The following DPY19L1 variants were observed in gnomAD, a reference collection of about 807,000 sequenced individuals.
DPY19L1 encodes protein C-mannosyl-transferase DPY19L1.
In DPY19L1, 35 loss-of-function variants were observed where a neutral mutation model predicts 96.9. The observed-to-expected ratio is 0.36, with a 90% CI of 0.28 to 0.48. The LOEUF (loss-of-function observed/expected upper bound fraction) is 0.48, where lower values mean the gene tolerates loss of function less well. DPY19L1 is among the 20% of genes least tolerant of loss of function. DPY19L1 has a pLI of 0.99. For synonymous variants in DPY19L1, 205 were observed against 252.6 expected (o/e 0.81, Z 1.79); for missense variants, 521 against 777.9 (o/e 0.67, Z 3.93).
intron 6 of DPY19L1, among the ~76,000 whole-genome samples, chr7:34,993,126 CAG>C (rs1159791364): frequency 1.3e-5 from 2 of 152,180 alleles, no homozygotes; most frequent in African/African-American, 4.8e-5. Flanking sequence ...CGTATTCTAT[CAG>C]AAAGAATTTT....
At chr7:34,976,463 C>T (rs1784832757) in intron 7 of DPY19L1, among the ~76,000 whole-genome samples, 1 of 152,182 alleles carries the variant, frequency 6.6e-6, no homozygotes, top group Admixed American at 6.6e-5. Context: ...GGTGAAGATA[C>T]TGTAAACATT....
chr7:34,979,060 T>C (rs779625827), intron 7 of DPY19L1, among the ~76,000 whole-genome samples: 2 of 152,148 alleles, frequency 1.3e-5, no homozygotes, highest in Non-Finnish European at 2.9e-5. Context: ...TTTCAGCTGG[T>C]TGTATGACAG....
At chr7:34,957,348 G>A (rs969471919) in intron 11 of DPY19L1, among the ~76,000 whole-genome samples, 7 of 151,852 alleles carry the variant, frequency 4.6e-5, no homozygotes, top group South Asian at 4.2e-4. Flanking sequence ...GCACTCCAGC[G>A]TAGGCAACAA....
chr7:35,033,633 C>A (rs1291691893), intron 1 of DPY19L1, among the ~76,000 whole-genome samples: 2 of 152,076 alleles, frequency 1.3e-5, no homozygotes, highest in Non-Finnish European at 2.9e-5. Context: ...CAAATGCAGG[C>A]CAGTGTTGAT....
intron 7 of DPY19L1, among the ~76,000 whole-genome samples, chr7:34,977,211 A>C (rs185596699): frequency 1.1e-4 from 16 of 152,176 alleles, no homozygotes; most frequent in Non-Finnish European, 1.8e-4. Flanking sequence ...TACGATATTC[A>C]TTTTACGGTA....
At chr7:34,969,672 G>T (rs1424487767) in intron 8 of DPY19L1, 140 bp from the exon 9 acceptor site, 12 of 442,656 alleles carry the variant, frequency 2.7e-5, no homozygotes, top group Non-Finnish European at 4.4e-5. Context: ...CAATGGGTTA[G>T]AAATTATACC....
chr7:35,016,170 G>A (rs1269584675), intron 3 of DPY19L1, among the ~76,000 whole-genome samples: 3 of 152,186 alleles, frequency 2.0e-5, no homozygotes, highest in African/African-American at 7.2e-5. Flanking sequence ...GGTGGCTCAT[G>A]GGAAAACTGG....
intron 3 of DPY19L1, among the ~76,000 whole-genome samples, chr7:35,015,873 C>T (rs1427773424): frequency 6.6e-6 from 1 of 152,188 alleles, no homozygotes; most frequent in Non-Finnish European, 1.5e-5. Context: ...TGTGAAGAAG[C>T]GAACTGCAAG....
chr7:34,975,752 C>T (rs949772699), intron 7 of DPY19L1, among the ~76,000 whole-genome samples: 1 of 152,154 alleles, frequency 6.6e-6, no homozygotes, highest in Admixed American at 6.5e-5. Flanking sequence ...AGCCAATATT[C>T]ATTGACCATT....
chr7:34,973,968 T>C (rs1784782090), intron 7 of DPY19L1, among the ~76,000 whole-genome samples: 1 of 152,232 alleles, frequency 6.6e-6, no homozygotes. Flanking sequence ...TTCTTTCCCA[T>C]GAATTTCAGC....
intron 6 of DPY19L1, among the ~76,000 whole-genome samples, chr7:35,003,182 C>A (rs1231053413): frequency 1.3e-5 from 2 of 152,280 alleles, no homozygotes; most frequent in African/African-American, 4.8e-5. Context: ...TACTTCCCAG[C>A]TATCTACTCT....
In DPY19L1 at chr7:35,037,236, C is replaced by G. The variant is rs968926626; in HGVS notation, c.159G>C (p.Ala53=). ...APLSPGRKGA[A]GRKGPRAEPG... The stretch of plus-strand genomic sequence containing the variant: ...GCTCGGCGCGGGGCCCCTTCCTGCC[C>G]GCGGCGCCCTTGCGCCCCGGGGACA... The change falls in exon 1 of 22, where the codon GCG becomes GCC. Residue 53 remains alanine (A), a synonymous_variant. Transcript: ENST00000638088. 1.1e-3 allele frequency: 245 copies of G among 232,504 alleles called. No homozygotes were observed. Among genetic ancestry groups the G allele is most frequent in the Non-Finnish European group, 1.7e-3 (212 of 121,260 alleles). 14.4% of individuals were successfully genotyped at this position (232,504 alleles called of 1,614,324 possible).
chr7:35,027,668 T>TAAAAAAAAAA (rs57262214), intron 1 of DPY19L1, among the ~76,000 whole-genome samples: 16 of 71,378 alleles, frequency 2.2e-4, no homozygotes, highest in South Asian at 4.9e-4. Flanking sequence ...CCGTCTCTAC[T>TAAAAAAAAAA]AAAAAAAAAA....
intron 1 of DPY19L1, among the ~76,000 whole-genome samples, chr7:35,033,192 C>A (rs1306188773): frequency 2.0e-5 from 3 of 152,220 alleles, no homozygotes; most frequent in Admixed American, 6.5e-5. Context: ...CTGTCATACT[C>A]TTCTGTTCGG....
rs748653501 is a variant in DPY19L1 at position 34,955,344 on chromosome 7, A to G, written c.1203T>C (p.His401=). The change falls in exon 12 of 22, where the codon CAT becomes CAC. Residue 401 remains histidine, a synonymous_variant. Transcript: ENST00000638088. ...IIWGILAMKP[H]FLKINVSELS... ...GTTCAGATACATTTATTTTCAGGAAATGTGGTTTCATTGCCAGAATACCCT... is the reference window on the plus strand; with the variant it reads ...GTTCAGATACATTTATTTTCAGGAAGTGTGGTTTCATTGCCAGAATACCCT... The G allele has an allele frequency of 5.4e-5, 86 of 1,607,384 alleles. 2 individuals carry two copies. The East Asian group carries it at 1.2e-3, about 23-fold the overall frequency.
At chr7:34,961,079 T>A (rs184470969) in intron 10 of DPY19L1, among the ~76,000 whole-genome samples, 1 of 152,204 alleles carries the variant, frequency 6.6e-6, no homozygotes, top group South Asian at 2.1e-4. Context: ...ATTGAAGGGA[T>A]GTCAGTTCTT....
At chr7:34,999,890 AC>A (rs1334733748) in intron 6 of DPY19L1, among the ~76,000 whole-genome samples, 2 of 152,204 alleles carry the variant, frequency 1.3e-5, no homozygotes, top group Admixed American at 1.3e-4. Context: ...TAATAATGTA[AC>A]TGCGGACTAT....
intron 6 of DPY19L1, among the ~76,000 whole-genome samples, chr7:35,007,047 A>T (rs1207293684): frequency 2.0e-5 from 3 of 152,174 alleles, no homozygotes; most frequent in Non-Finnish European, 4.4e-5. Flanking sequence ...TATCCCTTTC[A>T]TAAAATTACA....
chr7:35,028,601 GAC>G (rs1191197488), intron 1 of DPY19L1, among the ~76,000 whole-genome samples: 2 of 152,142 alleles, frequency 1.3e-5, no homozygotes, highest in African/African-American at 4.8e-5. Context: ...CAGACTACAA[GAC>G]AGAGTTCTTA....
Sources: allele counts gnomAD v4.1 joint callset (sites outside exome capture counted in the v4.1 genomes callset), GRCh38; gene constraint gnomAD v4.1.1; transcripts MANE v1.5; gene names NCBI Gene and HGNC (gene_info 2026-07-23, HGNC 2026-07-21).